The following SEMA3E variants were observed in gnomAD, a reference collection of about 807,000 sequenced individuals.
The protein encoded by SEMA3E is semaphorin 3E.
In SEMA3E, 49 loss-of-function variants were observed where a neutral mutation model predicts 93.6. The observed-to-expected ratio is 0.52, with a 90% confidence interval of 0.42 to 0.66. SEMA3E has a LOEUF of 0.66. Ranked by LOEUF, SEMA3E falls within the 30% of genes least tolerant of loss-of-function variation. The probability of loss-of-function intolerance (pLI) is 0.00; values close to 1 mark genes in which losing one functional copy is unlikely to be tolerated. For missense variants in SEMA3E, 906 were observed against 964.8 expected (o/e 0.94, Z 0.81); for synonymous variants, 363 against 330.7 (o/e 1.10, Z -1.06).
At chr7:83,488,774 G>A (rs981241059) in intron 2 of SEMA3E, among the ~76,000 whole-genome samples, 1 of 152,102 alleles carries the variant, frequency 6.6e-6, no homozygotes, top group African/African-American at 2.4e-5. Flanking sequence ...AGCCAGACAA[G>A]TGGAGCATGG....
At chr7:83,550,244 T>A (rs1791737465) in intron 1 of SEMA3E, among the ~76,000 whole-genome samples, 1 of 152,140 alleles carries the variant, frequency 6.6e-6, no homozygotes, top group Non-Finnish European at 1.5e-5. Context: ...GATGGTATTT[T>A]GTGTTGATCC....
chr7:83,614,525 T>C lies in SEMA3E; in HGVS notation c.115+33903A>G, dbSNP rs182616258. On this transcript the variant is annotated intron_variant, in intron 1 of 16. Transcript: ENST00000643230. ...TCACAAATAAGTGTGTTGCCAGTTA[T>C]CAGTCAAGAGAGGGCAAGTTATGCC... 3.6e-3 allele frequency among the ~76,000 whole-genome samples: 552 copies of C among 152,208 alleles called. 4 individuals are homozygous for C. Among genetic ancestry groups the C allele is most frequent in the Non-Finnish European group, 5.0e-3 (343 of 68,000 alleles).
intron 1 of SEMA3E, among the ~76,000 whole-genome samples, chr7:83,595,428 T>A (rs1325967631): frequency 6.6e-6 from 1 of 152,132 alleles, no homozygotes; most frequent in African/African-American, 2.4e-5. Context: ...AAAATTTGAC[T>A]ATGATACACA....
intron 16 of SEMA3E, among the ~76,000 whole-genome samples, chr7:83,383,198 T>C (rs1303491108): frequency 6.7e-6 from 1 of 149,038 alleles, no homozygotes; most frequent in African/African-American, 2.6e-5. Context: ...ATAAATATCC[T>C]TCAAAATGGT....
chr7:83,573,723 A>T (rs1016373826), intron 1 of SEMA3E, among the ~76,000 whole-genome samples: 1 of 152,072 alleles, frequency 6.6e-6, no homozygotes, highest in Non-Finnish European at 1.5e-5. Flanking sequence ...ACTACTAATC[A>T]TAAATAGAGA....
chr7:83,410,373 CTAG>C (rs1393553045), intron 5 of SEMA3E, among the ~76,000 whole-genome samples: 3 of 151,870 alleles, frequency 2.0e-5, no homozygotes, highest in African/African-American at 7.2e-5. Context: ...TTGAGTTCTT[CTAG>C]TATATTCAAC....
At chr7:83,435,446 A>T (rs1028037670) in intron 4 of SEMA3E, among the ~76,000 whole-genome samples, 2 of 152,114 alleles carry the variant, frequency 1.3e-5, no homozygotes, top group African/African-American at 4.8e-5. Context: ...AAATACAAAA[A>T]CTAGCTGGGC....
At chr7:83,576,728 C>A (rs1185389387) in intron 1 of SEMA3E, among the ~76,000 whole-genome samples, 2 of 152,040 alleles carry the variant, frequency 1.3e-5, no homozygotes, top group African/African-American at 4.8e-5. Context: ...TGGATTCAAG[C>A]GATTCTCGTG....
chr7:83,424,938 G>A lies in SEMA3E; in HGVS notation c.457-6455C>T. 7.4e-6 allele frequency: 2 copies of A among 271,902 alleles called. 1 individual carries two copies. The highest frequency in any genetic ancestry group is 1.0e-4 in the South Asian group (2 of 19,572). The allele number at this position is 271,902 out of a possible 1,614,324, so 16.8% of individuals were successfully genotyped here. ...AGCCTCTACCATGTGTGGGAGGGTA[G>A]CTGGATCCCAGTCTCCAGTGACAAT... On this transcript the variant is annotated intron_variant, in intron 4 of 16. Transcript: ENST00000643230.
chr7:83,586,622 T>C (rs1792632973), intron 1 of SEMA3E, among the ~76,000 whole-genome samples: 1 of 151,686 alleles, frequency 6.6e-6, no homozygotes, highest in South Asian at 2.1e-4. Flanking sequence ...GGCACGCTAT[T>C]TTAATCAGTA....
At chr7:83,381,450 C>T (rs2116910940) in intron 16 of SEMA3E, among the ~76,000 whole-genome samples, 1 of 151,898 alleles carries the variant, frequency 6.6e-6, no homozygotes, top group South Asian at 2.1e-4. Flanking sequence ...ATTTTTTTTC[C>T]AAATGTCACT....
At chr7:83,647,668 C>T (rs1470872415) in intron 1 of SEMA3E, among the ~76,000 whole-genome samples, 1 of 152,088 alleles carries the variant, frequency 6.6e-6, no homozygotes, top group Non-Finnish European at 1.5e-5. Context: ...TATGATGTTG[C>T]TTTACAAGAC....
At position 83,474,043 on chromosome 7, in the gene SEMA3E, G is replaced by C. The variant is rs1014504415; in HGVS notation, c.277-4741C>G. Reference sequence around the variant, plus strand: ...GGAGATGAAGCTTGCAGTGAGCCAGGATCCTGCCACTACACTCCAGCCTGG... The same window carrying C: ...GGAGATGAAGCTTGCAGTGAGCCAGCATCCTGCCACTACACTCCAGCCTGG... On this transcript the variant is annotated intron_variant, in intron 2 of 16. Transcript: ENST00000643230. Among the ~76,000 whole-genome samples, 19 of 148,540 alleles carry C rather than the reference G, an allele frequency of 1.3e-4. No individual in the cohort carries two copies. In the Admixed American group the frequency reaches 1.3e-3, roughly 10 times the overall value.
At chr7:83,596,449 A>G (rs973417805) in intron 1 of SEMA3E, among the ~76,000 whole-genome samples, 2 of 152,142 alleles carry the variant, frequency 1.3e-5, no homozygotes, top group Admixed American at 6.6e-5. Flanking sequence ...GAAAGGAGAC[A>G]TATGTATGTA....
At chr7:83,392,782 A>T in intron 13 of SEMA3E, 61 bp from the exon 14 acceptor site, 2 of 1,476,734 alleles carry the variant, frequency 1.4e-6, no homozygotes, top group Non-Finnish European at 1.9e-6. Context: ...GAGCTATTAC[A>T]CCTAGTTTTC....
intron 6 of SEMA3E, among the ~76,000 whole-genome samples, chr7:83,407,787 A>G (rs1457005844): frequency 6.6e-6 from 1 of 152,124 alleles, no homozygotes; most frequent in Non-Finnish European, 1.5e-5. Flanking sequence ...TGGTATGTAA[A>G]ATATATGAAT....
At chr7:83,576,969 A>C (rs1792418047) in intron 1 of SEMA3E, among the ~76,000 whole-genome samples, 2 of 152,134 alleles carry the variant, frequency 1.3e-5, no homozygotes, top group African/African-American at 4.8e-5. Context: ...AATTCCAAAT[A>C]ATTTCCATCG....
intron 1 of SEMA3E, among the ~76,000 whole-genome samples, chr7:83,589,818 T>C (rs1399852232): frequency 2.0e-5 from 3 of 152,126 alleles, no homozygotes; most frequent in African/African-American, 7.2e-5. Context: ...AGTTATTGTA[T>C]TGGATCATTC....
At chr7:83,546,427 G>A (rs1402558678) in intron 1 of SEMA3E, among the ~76,000 whole-genome samples, 1 of 151,160 alleles carries the variant, frequency 6.6e-6, no homozygotes, top group Admixed American at 6.6e-5. Context: ...TGGGGAGGAG[G>A]AGGCTGCCAA....
Sources: gnomAD v4.1 joint callset for allele counts (sites outside exome capture counted in the v4.1 genomes callset) on GRCh38, gnomAD v4.1.1 for gene constraint, MANE v1.5 for transcripts, NCBI Gene and HGNC (gene_info 2026-07-23, HGNC 2026-07-21) for gene names.